FBXL20: variants seen among roughly 807,000 people sequenced by gnomAD.
FBXL20 encodes F-box and leucine rich repeat protein 20.
In FBXL20, 11 loss-of-function variants were observed where a neutral mutation model predicts 64.0. The observed-to-expected ratio is 0.17, with a 90% CI of 0.11 to 0.28. The LOEUF (loss-of-function observed/expected upper bound fraction) is 0.28, where lower values mean the gene tolerates loss of function less well. FBXL20 is among the 10% of genes least tolerant of loss of function. The pLI is 1.00. For synonymous variants in FBXL20, 184 were observed against 189.0 expected (o/e 0.97, Z 0.22); for missense variants, 303 against 526.2 (o/e 0.58, Z 4.15).
chr17:39,262,967 G>GCA (rs2046760481), intron 14 of FBXL20, among the ~76,000 whole-genome samples: 1 of 151,474 alleles, frequency 6.6e-6, no homozygotes, highest in East Asian at 2.0e-4. Context: ...ATGCCACTGC[G>GCA]CTCCAGCCTG....
chr17:39,340,693 G>C (rs77159068), intron 2 of FBXL20, among the ~76,000 whole-genome samples: 1,628 of 151,388 alleles, frequency 0.011, 27 homozygotes, highest in African/African-American at 0.037. Flanking sequence ...TTAAAAATAA[G>C]AACATCTAAA....
intron 2 of FBXL20, among the ~76,000 whole-genome samples, chr17:39,330,805 G>A (rs2047452971): frequency 6.6e-6 from 1 of 152,044 alleles, no homozygotes; most frequent in Non-Finnish European, 1.5e-5. Context: ...ATGACTATTA[G>A]GCAGAAACAA....
In FBXL20 at chr17:39,303,552, G is replaced by A. The variant is rs749252202; in HGVS notation, c.159+33C>T. 25 of 1,583,666 alleles carry A rather than the reference G, an allele frequency of 1.6e-5. No homozygotes were observed. The Admixed American group carries it at 4.3e-4, about 28-fold the overall frequency. On this transcript the variant is annotated intron_variant, in intron 3 of 14. Coordinates refer to ENST00000264658, the MANE Select transcript of FBXL20 (RefSeq NM_032875.3). The stretch of plus-strand genomic sequence containing the variant: ...GGCTGTTATCATCAGTATGAAGAAG[G>A]GGTCCCCCTGTAACTATGCCAACAA...
intron 1 of FBXL20, among the ~76,000 whole-genome samples, chr17:39,346,011 A>G (rs2047629454): frequency 6.6e-6 from 1 of 152,134 alleles, no homozygotes; most frequent in South Asian, 2.1e-4. Flanking sequence ...TCCTGTCTCT[A>G]CAAAAAACAC....
chr17:39,301,663 G>A (rs188502615), intron 3 of FBXL20, among the ~76,000 whole-genome samples: 142 of 152,146 alleles, frequency 9.3e-4, no homozygotes, highest in African/African-American at 3.2e-3. Context: ...GGGAGGCGGA[G>A]GTTGCAGTGA....
At chr17:39,348,304 T>C (rs1316426025) in intron 1 of FBXL20, among the ~76,000 whole-genome samples, 3 of 151,992 alleles carry the variant, frequency 2.0e-5, no homozygotes, top group Non-Finnish European at 4.4e-5. Flanking sequence ...CTACTAAAAA[T>C]ACAAAAATTA....
intron 1 of FBXL20, among the ~76,000 whole-genome samples, chr17:39,357,167 GGAGGCT>G (rs1167346958): frequency 6.6e-6 from 1 of 151,406 alleles, no homozygotes; most frequent in East Asian, 2.0e-4. Flanking sequence ...CAGCTACTTG[GGAGGCT>G]GAGGCAGGAG....
At chr17:39,307,493 C>T (rs2047193579) in intron 2 of FBXL20, among the ~76,000 whole-genome samples, 1 of 152,146 alleles carries the variant, frequency 6.6e-6, no homozygotes, top group Non-Finnish European at 1.5e-5. Flanking sequence ...TGAAGCTGGA[C>T]TGCAGCAGCA....
intron 2 of FBXL20, among the ~76,000 whole-genome samples, chr17:39,324,628 T>A (rs879317346): frequency 6.6e-6 from 1 of 152,168 alleles, no homozygotes; most frequent in Non-Finnish European, 1.5e-5. Flanking sequence ...CTAACTACTA[T>A]AAAAACATTT....
chr17:39,363,530 G>A (rs978511602), intron 1 of FBXL20, among the ~76,000 whole-genome samples: 12 of 151,862 alleles, frequency 7.9e-5, no homozygotes, highest in Non-Finnish European at 1.8e-4. Flanking sequence ...GATAAATAAT[G>A]GGCCAAACAA....
Position 39,259,538 on chromosome 17 carries a change from G to A in FBXL20, c.*1922C>T, listed in dbSNP as rs1052599572. 6.6e-6 allele frequency: 1 copy of A among 152,076 alleles called. No homozygotes were observed. The highest frequency in any genetic ancestry group is 2.4e-5 in the African/African-American group (1 of 41,404). 9.4% of individuals were successfully genotyped at this position (152,076 alleles called of 1,614,324 possible). On this transcript the variant is annotated 3_prime_UTR_variant, in exon 15 of 15. Transcript: ENST00000264658. ...CTGATTTTTTGGGAAGACAGAGGGT[G>A]CTTCTTCTTGGACTCTTGAGTCCTG...
intron 1 of FBXL20, among the ~76,000 whole-genome samples, chr17:39,371,257 C>T (rs887968403): frequency 1.3e-5 from 2 of 152,040 alleles, no homozygotes; most frequent in Non-Finnish European, 2.9e-5. Context: ...AATCTGCCAT[C>T]AGCCATAAAA....
At chr17:39,385,709 A>G (rs1249659309) in intron 1 of FBXL20, among the ~76,000 whole-genome samples, 1 of 152,188 alleles carries the variant, frequency 6.6e-6, no homozygotes, top group Non-Finnish European at 1.5e-5. Context: ...AAACTACAAG[A>G]AAGTTAACTG....
intron 2 of FBXL20, among the ~76,000 whole-genome samples, chr17:39,312,568 C>CTTTTTTTTTT (rs750605079): frequency 1.1e-5 from 1 of 91,712 alleles, no homozygotes; most frequent in Non-Finnish European, 2.0e-5. Context: ...TAAATTCTAT[C>CTTTTTTTTTT]TTTTTTTTTT....
chr17:39,348,591 C>G (rs1457227747), intron 1 of FBXL20, among the ~76,000 whole-genome samples: 2 of 152,112 alleles, frequency 1.3e-5, no homozygotes, highest in African/African-American at 4.8e-5. Context: ...TGTGCCCAGT[C>G]AGGTTCTTCT....
At chr17:39,375,426 A>C (rs1295816776) in intron 1 of FBXL20, among the ~76,000 whole-genome samples, 1 of 152,148 alleles carries the variant, frequency 6.6e-6, no homozygotes, top group Non-Finnish European at 1.5e-5. Flanking sequence ...AACTGGCAAA[A>C]ATCAAATATT....
chr17:39,351,133 G>A (rs183171053), intron 1 of FBXL20, among the ~76,000 whole-genome samples: 1 of 152,014 alleles, frequency 6.6e-6, no homozygotes, highest in East Asian at 1.9e-4. Context: ...TCAGGAGTTC[G>A]AGATCAGCCT....
At chr17:39,319,754 A>T (rs1476606890) in intron 2 of FBXL20, among the ~76,000 whole-genome samples, 1 of 150,124 alleles carries the variant, frequency 6.7e-6, no homozygotes, top group East Asian at 1.9e-4. Context: ...AAAAAAAAAT[A>T]GAACAGCAGG....
At chr17:39,360,265 G>C (rs1440085039) in intron 1 of FBXL20, among the ~76,000 whole-genome samples, 1 of 152,176 alleles carries the variant, frequency 6.6e-6, no homozygotes, top group Non-Finnish European at 1.5e-5. Context: ...TTAATGGTTA[G>C]AGAAGTTTCA....
Sources: allele counts gnomAD v4.1 joint callset (sites outside exome capture counted in the v4.1 genomes callset), GRCh38; gene constraint gnomAD v4.1.1; transcripts MANE v1.5; gene names NCBI Gene and HGNC (gene_info 2026-07-23, HGNC 2026-07-21).